Variants in LPP observed in about 807,000 individuals in gnomAD.
The protein encoded by LPP is lipoma-preferred partner.
LPP carries 38 observed loss-of-function variants against 60.4 expected under a neutral mutation model. That is an observed-to-expected ratio of 0.63 (90% CI 0.49 to 0.83). LPP has a LOEUF of 0.83. Ranked by LOEUF, LPP falls within the 40% of genes least tolerant of loss-of-function variation. The probability of loss-of-function intolerance (pLI) is 0.00; values close to 1 mark genes in which losing one functional copy is unlikely to be tolerated. For synonymous variants in LPP, 328 were observed against 290.8 expected (o/e 1.13, Z -1.30); for missense variants, 902 against 783.6 (o/e 1.15, Z -1.80).
intron 8 of LPP, among the ~76,000 whole-genome samples, chr3:188,753,580 C>CAT (rs1553829910): frequency 4.3e-5 from 6 of 139,630 alleles, no homozygotes; most frequent in East Asian, 2.1e-4. Context: ...TTGTTGTGTG[C>CAT]GTGTGTGTGT....
chr3:188,825,269 CTGTGTGTGTGTGTGTGTGTGTG>C (rs3057956), intron 9 of LPP, among the ~76,000 whole-genome samples: 13 of 101,690 alleles, frequency 1.3e-4, no homozygotes, highest in African/African-American at 4.3e-4. Context: ...CTCTCTCTCT[CTGTGTGTGTGTGTGTGTGTGTG>C]TGTGTGTGTG....
intron 5 of LPP, among the ~76,000 whole-genome samples, chr3:188,518,967 A>G (rs1318463298): frequency 6.6e-6 from 1 of 152,144 alleles, no homozygotes; most frequent in Non-Finnish European, 1.5e-5. Context: ...AATACTGAAC[A>G]AATAAATCGT....
chr3:188,422,873 G>A (rs1351354476), intron 4 of LPP, among the ~76,000 whole-genome samples: 2 of 148,706 alleles, frequency 1.3e-5, no homozygotes, highest in Admixed American at 6.7e-5. Context: ...AAGAGGTTAC[G>A]CTAATGTTCC....
intron 1 of LPP, among the ~76,000 whole-genome samples, chr3:188,205,075 T>C (rs758367675): frequency 2.2e-4 from 33 of 152,142 alleles, no homozygotes; most frequent in Non-Finnish European, 3.8e-4. Flanking sequence ...CATTTGAGTA[T>C]CTAGAAACAT....
chr3:188,160,631 A>T (rs2148692431), intron 1 of LPP, among the ~76,000 whole-genome samples: 1 of 152,348 alleles, frequency 6.6e-6, no homozygotes, highest in East Asian at 1.9e-4. Context: ...AGCAATTTCC[A>T]GACTCCTTAA....
intron 2 of LPP, among the ~76,000 whole-genome samples, chr3:188,278,352 C>A (rs1740733040): frequency 6.6e-6 from 1 of 152,182 alleles, no homozygotes; most frequent in Non-Finnish European, 1.5e-5. Context: ...GCTTACCTGG[C>A]TTGGAGCAAG....
intron 8 of LPP, among the ~76,000 whole-genome samples, chr3:188,739,389 T>C (rs983841361): frequency 6.6e-6 from 1 of 152,038 alleles, no homozygotes; most frequent in Non-Finnish European, 1.5e-5. Flanking sequence ...GTGATTGTCG[T>C]TGGTGGAAAT....
At chr3:188,334,984 T>C (rs1761246814) in intron 2 of LPP, among the ~76,000 whole-genome samples, 1 of 152,198 alleles carries the variant, frequency 6.6e-6, no homozygotes, top group African/African-American at 2.4e-5. Context: ...TTTCCTTTGT[T>C]GAAAATCAGT....
intron 2 of LPP, among the ~76,000 whole-genome samples, chr3:188,275,651 A>G (rs1739373998): frequency 6.6e-6 from 1 of 151,710 alleles, no homozygotes; most frequent in Non-Finnish European, 1.5e-5. Context: ...TCATTTAGCT[A>G]TTATTTATTG....
chr3:188,794,726 A>G (rs1052472534), intron 9 of LPP, among the ~76,000 whole-genome samples: 5 of 152,166 alleles, frequency 3.3e-5, no homozygotes, highest in African/African-American at 1.2e-4. Context: ...GACCATGACA[A>G]AGGTTTTTTT....
chr3:188,309,193 G>C (rs942201270), intron 2 of LPP, among the ~76,000 whole-genome samples: 1 of 151,736 alleles, frequency 6.6e-6, no homozygotes, highest in African/African-American at 2.4e-5. Context: ...GCTAATTTTT[G>C]TATTTTTAGC....
chr3:188,629,949 G>T (rs1588871), intron 7 of LPP, among the ~76,000 whole-genome samples: 146,560 of 152,220 alleles, frequency 0.96, 70,789 homozygotes, highest in East Asian at 1. Flanking sequence ...ACCATTGATA[G>T]TCAACATTTG....
chr3:188,663,544 G>C (rs1037348229), intron 7 of LPP, among the ~76,000 whole-genome samples: 2 of 152,164 alleles, frequency 1.3e-5, no homozygotes, highest in Non-Finnish European at 2.9e-5. Context: ...AACGGGTAGA[G>C]TGGCTATTAA....
intron 7 of LPP, among the ~76,000 whole-genome samples, chr3:188,699,931 G>C (rs1864044435): frequency 6.6e-6 from 1 of 152,184 alleles, no homozygotes; most frequent in Admixed American, 6.5e-5. Context: ...ACTTGACACA[G>C]CTAAATAGAA....
intron 9 of LPP, among the ~76,000 whole-genome samples, chr3:188,826,335 C>T (rs552966725): frequency 4.9e-4 from 74 of 152,300 alleles, no homozygotes; most frequent in African/African-American, 1.6e-3. Flanking sequence ...CTGTTATCCT[C>T]GTGTCGATTC....
intron 3 of LPP, among the ~76,000 whole-genome samples, chr3:188,351,705 G>A (rs1411867493): frequency 6.6e-6 from 1 of 152,194 alleles, no homozygotes; most frequent in Non-Finnish European, 1.5e-5. Context: ...TGTAAGCTCT[G>A]AAAGGCACTC....
At chr3:188,294,535 A>C (rs1436896308) in intron 2 of LPP, among the ~76,000 whole-genome samples, 2 of 152,348 alleles carry the variant, frequency 1.3e-5, no homozygotes, top group Admixed American at 1.3e-4. Flanking sequence ...TAGAGCCACC[A>C]AACCGAAGCA....
At position 188,609,319 on chromosome 3, in the gene LPP, C is replaced by T. The variant is rs55674610; in HGVS notation, c.588C>T (p.Ile196=). The part of the protein sequence containing the change: ...PQAGPIPVAP[I]GTLKPQPQPV... ...CTGGACCCATCCCTGTGGCTCCAAT[C>T]GGAACACTCAAACCCCAGCCTCAGC... Residue 196 remains isoleucine, a synonymous_variant, in exon 7 of 12, where the codon ATC becomes ATT. Coordinates refer to ENST00000617246, the MANE Select transcript of LPP (RefSeq NM_001375462.1). This position sits in a 1 kb window ranked among gnomAD's most constrained non-coding sequence, Gnocchi z 6.9. 1.5e-3 allele frequency: 2,473 copies of T among 1,614,102 alleles called. 7 individuals are homozygous for T. The highest frequency in any genetic ancestry group is 0.013 in the East Asian group (561 of 44,862).
chr3:188,215,238 G>A (rs1713060835), intron 1 of LPP, among the ~76,000 whole-genome samples: 1 of 152,014 alleles, frequency 6.6e-6, no homozygotes. Flanking sequence ...TCCAGGGAGT[G>A]GAGGTTGCAG....
Sources: allele counts gnomAD v4.1 joint callset (sites outside exome capture counted in the v4.1 genomes callset), GRCh38; gene constraint gnomAD v4.1.1; non-coding constraint Gnocchi (gnomAD v3.1); transcripts MANE v1.5; gene names NCBI Gene and HGNC (gene_info 2026-07-23, HGNC 2026-07-21).